RYR3: variants seen among roughly 807,000 people sequenced by gnomAD.
The protein encoded by RYR3 is brain ryanodine receptor-calcium release channel.
A neutral mutation model predicts 584.3 loss-of-function variants in RYR3; 207 were observed. The ratio of observed to expected loss-of-function variants is 0.35; its 90% CI spans 0.32 to 0.40. RYR3 has a LOEUF of 0.40. Ranked by LOEUF, RYR3 falls within the 10% of genes least tolerant of loss-of-function variation. The pLI is 1.00. For synonymous variants in RYR3, 2,416 were observed against 2,248.5 expected (o/e 1.07, Z -2.11); for missense variants, 5,616 against 6,089.2 (o/e 0.92, Z 2.59).
At chr15:33,735,594 T>TA (rs1028611209) in intron 48 of RYR3, among the ~76,000 whole-genome samples, 16 of 152,270 alleles carry the variant, frequency 1.1e-4, no homozygotes, top group African/African-American at 3.9e-4. Flanking sequence ...TTTGGCAATG[T>TA]AAAAAAAGCA....
chr15:33,425,868 T>A (rs1043488907), intron 1 of RYR3, among the ~76,000 whole-genome samples: 5 of 152,098 alleles, frequency 3.3e-5, no homozygotes, highest in African/African-American at 7.2e-5. Flanking sequence ...GGTCTCAATC[T>A]CCTGACCTCG....
At chr15:33,609,241 C>T (rs1228352893) in intron 18 of RYR3, among the ~76,000 whole-genome samples, 1 of 152,248 alleles carries the variant, frequency 6.6e-6, no homozygotes, top group Non-Finnish European at 1.5e-5. Context: ...CAATTATTTC[C>T]TGGTCTTCCT....
At chr15:33,599,673 C>T (rs1247986306) in intron 16 of RYR3, among the ~76,000 whole-genome samples, 1 of 152,198 alleles carries the variant, frequency 6.6e-6, no homozygotes, top group Non-Finnish European at 1.5e-5. Context: ...CAGTTTCCAG[C>T]TTGAGTTTTC....
rs2060861260 is a variant in RYR3, at chr15:33,624,091, T to A, written c.2574+68T>A. 4 of 1,108,876 alleles carry A rather than the reference T, an allele frequency of 3.6e-6. No individual in the cohort carries two copies. In the African/African-American group the frequency reaches 6.3e-5, roughly 17 times the overall value. The allele number at this position is 1,108,876 out of a possible 1,614,324, so 68.7% of individuals were successfully genotyped here. A position where few individuals can be genotyped will look rare whatever the true frequency, so the allele number is the denominator to read the frequency against. On this transcript the variant is annotated intron_variant, in intron 20 of 103. Transcript: ENST00000634891. ...GCAATAGAGTTAAATACTTCTTTCT[T>A]TCTTGTTTTTGAACCTTTCTTAATA...
At chr15:33,653,003 G>A (rs952120426) in intron 32 of RYR3, 120 bp downstream of exon 32, 5 of 932,858 alleles carry the variant, frequency 5.4e-6, no homozygotes, top group Non-Finnish European at 7.9e-6. Context: ...AGCCCATGTG[G>A]GCCATGGGCC....
chr15:33,531,252 C>G (rs567556735), intron 4 of RYR3, among the ~76,000 whole-genome samples: 2 of 152,088 alleles, frequency 1.3e-5, no homozygotes, highest in African/African-American at 2.4e-5. Context: ...GATCTAGAAC[C>G]AGAATCGACA....
chr15:33,443,464 A>G (rs900063776), intron 1 of RYR3, among the ~76,000 whole-genome samples: 2 of 152,164 alleles, frequency 1.3e-5, no homozygotes, highest in African/African-American at 4.8e-5. Flanking sequence ...TTTATTTATT[A>G]TAGGATGTTT....
chr15:33,637,100 T>G (rs1444709254), intron 27 of RYR3, among the ~76,000 whole-genome samples: 2 of 152,208 alleles, frequency 1.3e-5, no homozygotes, highest in African/African-American at 4.8e-5. Context: ...TGTCCATGAA[T>G]AGACCACAGT....
chr15:33,415,145 G>T (rs768423442), intron 1 of RYR3, among the ~76,000 whole-genome samples: 11 of 152,174 alleles, frequency 7.2e-5, no homozygotes, highest in Non-Finnish European at 1.5e-4. Flanking sequence ...AGAATGCAAA[G>T]TATCTCAAGA....
chr15:33,490,931 G>T (rs968182903), intron 2 of RYR3, among the ~76,000 whole-genome samples: 2 of 152,236 alleles, frequency 1.3e-5, no homozygotes, highest in Admixed American at 6.5e-5. Flanking sequence ...TATCCATGGG[G>T]CTTGGCACGG....
At chr15:33,427,064 G>C (rs143262931) in intron 1 of RYR3, among the ~76,000 whole-genome samples, 29 of 152,316 alleles carry the variant, frequency 1.9e-4, no homozygotes, top group African/African-American at 6.3e-4. Context: ...GGAGAAGAGA[G>C]AGATGCAAAC....
rs1264314525 is a variant in RYR3 at position 33,390,599 on chromosome 15, A to AG, written c.51+79506dup. ...CAGGCATGAGGAGGCTATGTTTAGA[A>AG]GGGTCTGTCTGCAAGGGTGGGGGTC... On this transcript the variant is annotated intron_variant, in intron 1 of 103. Transcript: ENST00000634891. The surrounding 1 kb of genome is among the most constrained non-coding windows in gnomAD (Gnocchi z 4.2). Among the ~76,000 whole-genome samples, 12 of 152,172 alleles carry AG rather than the reference A, an allele frequency of 7.9e-5. No individual in the cohort carries two copies. The highest frequency in any genetic ancestry group is 2.6e-4 in the Admixed American group (4 of 15,274).
Position 33,660,435 on chromosome 15 carries a change from G to A in RYR3, c.4622+12G>A, listed in dbSNP as rs765475362. 2.0e-5 allele frequency: 30 copies of A among 1,529,478 alleles called. No individual in the cohort carries two copies. The highest frequency in any genetic ancestry group is 2.4e-5 in the Non-Finnish European group (27 of 1,133,034). 94.7% of individuals were successfully genotyped at this position (1,529,478 alleles called of 1,614,324 possible). ...CCCGAGGAGAACAGGTACCAGAGGGGCCCGCGAAGGAAGGGGCAGGCCTGA... is the reference window on the plus strand; with the variant it reads ...CCCGAGGAGAACAGGTACCAGAGGGACCCGCGAAGGAAGGGGCAGGCCTGA... On this transcript the variant is annotated intron_variant, in intron 34 of 103. Transcript: ENST00000634891.
chr15:33,498,293 C>A lies in RYR3; in HGVS notation c.172-5338C>A, dbSNP rs1596374648. Among the ~76,000 whole-genome samples the A allele has an allele frequency of 2.0e-5, 3 of 152,174 alleles. No individual in the cohort carries two copies. In the East Asian group the frequency reaches 5.8e-4, roughly 29 times the overall value. Reference sequence around the variant, plus strand: ...TTTGCATAATAGCTATACTAATTTACATTCCCACCAACAGTGTATAAGAGT... The same window carrying A: ...TTTGCATAATAGCTATACTAATTTAAATTCCCACCAACAGTGTATAAGAGT... On this transcript the variant is annotated intron_variant, in intron 2 of 103. Transcript: ENST00000634891.
At chr15:33,528,309 C>T (rs1313967943) in intron 3 of RYR3, among the ~76,000 whole-genome samples, 2 of 152,160 alleles carry the variant, frequency 1.3e-5, no homozygotes, top group African/African-American at 2.4e-5. Flanking sequence ...TGTTCATCCA[C>T]CCCACCACAA....
At chr15:33,426,425 T>C (rs759742192) in intron 1 of RYR3, among the ~76,000 whole-genome samples, 7 of 152,154 alleles carry the variant, frequency 4.6e-5, no homozygotes, top group East Asian at 3.9e-4. Flanking sequence ...GTTCAGAAGA[T>C]TGCAGGCTAC....
chr15:33,637,442 C>T (rs773566913), intron 27 of RYR3, among the ~76,000 whole-genome samples: 3 of 152,238 alleles, frequency 2.0e-5, no homozygotes, highest in South Asian at 2.1e-4. Context: ...TCCTCACGGA[C>T]GAGAAGGGGG....
chr15:33,715,277 G>A (rs1297344344), intron 43 of RYR3, among the ~76,000 whole-genome samples: 2 of 152,186 alleles, frequency 1.3e-5, no homozygotes, highest in South Asian at 2.1e-4. Context: ...AGTGTGATTG[G>A]TACTAGACTA....
chr15:33,348,781 T>A (rs562617038), intron 1 of RYR3, among the ~76,000 whole-genome samples: 13 of 148,470 alleles, frequency 8.8e-5, no homozygotes, highest in South Asian at 4.2e-4. Flanking sequence ...TGGCCTAATT[T>A]AAAAAAAAAA....
Sources: allele counts gnomAD v4.1 joint callset (sites outside exome capture counted in the v4.1 genomes callset), GRCh38; gene constraint gnomAD v4.1.1; non-coding constraint Gnocchi (gnomAD v3.1); transcripts MANE v1.5; gene names NCBI Gene and HGNC (gene_info 2026-07-23, HGNC 2026-07-21).